RERG: variants seen among roughly 807,000 people sequenced by gnomAD.
RERG encodes ras-related and estrogen-regulated growth inhibitor.
RERG carries 25 observed loss-of-function variants against 23.2 expected under a neutral mutation model. The ratio of observed to expected loss-of-function variants is 1.08; its 90% CI spans 0.79 to 1.50. The LOEUF (loss-of-function observed/expected upper bound fraction) is 1.50, where lower values mean the gene tolerates loss of function less well. RERG is among the 40% of genes most tolerant of loss of function. The pLI, the probability that RERG is intolerant of heterozygous loss-of-function variation, is 0.00. For missense variants in RERG, 253 were observed against 250.1 expected (o/e 1.01, Z -0.08); for synonymous variants, 81 against 89.1 (o/e 0.91, Z 0.51).
Position 15,148,887 on chromosome 12 carries a change from T to TTTG in RERG, c.62-27769_62-27768insCAA, listed in dbSNP as rs1156302513. Among the ~76,000 whole-genome samples, 38 of 69,498 alleles carry TTTG rather than the reference T, an allele frequency of 5.5e-4. 14 individuals are homozygous for TTTG. The highest frequency in any genetic ancestry group is 1.1e-3 in the South Asian group (2 of 1,814). The allele number at this position is 69,498 out of a possible 152,430, so 45.6% of individuals were successfully genotyped here. A position where few individuals can be genotyped will look rare whatever the true frequency, so the allele number is the denominator to read the frequency against. On this transcript the variant is annotated intron_variant, in intron 2 of 4. Transcript: ENST00000256953. ...TTTTTTTTTTTTTTTTTTTTTTTTT[T>TTTG]AGACAGAGTCTAGCTCTGTCACCCA...
chr12:15,114,890 A>T (rs1340279745), intron 3 of RERG, among the ~76,000 whole-genome samples: 1 of 152,186 alleles, frequency 6.6e-6, no homozygotes, highest in East Asian at 1.9e-4. Context: ...ATTACGGTGC[A>T]TGCTAAAGTT....
chr12:15,186,271 C>T (rs960002300), intron 2 of RERG, among the ~76,000 whole-genome samples: 5 of 151,684 alleles, frequency 3.3e-5, no homozygotes, highest in Non-Finnish European at 5.9e-5. Context: ...AGCATGATGA[C>T]ATCAGGAAGT....
intron 1 of RERG, among the ~76,000 whole-genome samples, chr12:15,218,846 T>A (rs766618742): frequency 6.6e-6 from 1 of 152,202 alleles, no homozygotes; most frequent in South Asian, 2.1e-4. Context: ...TTTTTCATCA[T>A]GTGCATTGCC....
intron 1 of RERG, among the ~76,000 whole-genome samples, chr12:15,219,975 C>T (rs1865491867): frequency 6.6e-6 from 1 of 152,114 alleles, no homozygotes; most frequent in Admixed American, 6.5e-5. Flanking sequence ...TATTGTCAAC[C>T]TAATTTTATG....
chr12:15,158,008 C>T (rs904673337), intron 2 of RERG, among the ~76,000 whole-genome samples: 1 of 151,996 alleles, frequency 6.6e-6, no homozygotes, highest in African/African-American at 2.4e-5. Flanking sequence ...AAACATTTTG[C>T]CTCCTTACAT....
intron 2 of RERG, among the ~76,000 whole-genome samples, chr12:15,189,457 A>C (rs927260334): frequency 2.6e-5 from 4 of 152,180 alleles, no homozygotes; most frequent in African/African-American, 9.6e-5. Context: ...GCTTAAATGC[A>C]ATCTTCTCGC....
At chr12:15,193,032 T>G (rs1440290377) in intron 2 of RERG, among the ~76,000 whole-genome samples, 1 of 152,156 alleles carries the variant, frequency 6.6e-6, no homozygotes, top group Non-Finnish European at 1.5e-5. Flanking sequence ...TTGTAATGAA[T>G]AAATATTTAT....
intron 2 of RERG, among the ~76,000 whole-genome samples, chr12:15,124,617 T>C (rs900775559): frequency 5.9e-5 from 9 of 152,056 alleles, no homozygotes; most frequent in Non-Finnish European, 1.2e-4. Flanking sequence ...TCCTACACAG[T>C]TGTGATTGTT....
chr12:15,204,379 T>C (rs1865257068), intron 2 of RERG, among the ~76,000 whole-genome samples: 1 of 151,652 alleles, frequency 6.6e-6, no homozygotes, highest in African/African-American at 2.4e-5. Context: ...GTGTGCAAAA[T>C]AATGAAACTG....
chr12:15,189,267 A>T (rs1865035876), intron 2 of RERG, among the ~76,000 whole-genome samples: 1 of 152,176 alleles, frequency 6.6e-6, no homozygotes. Context: ...GCAAGAAGCT[A>T]CATAGTTTCA....
rs772353150 is a variant in RERG at position 15,212,042 on chromosome 12, C to CTTTTT, written c.61+5382_61+5386dup. On this transcript the variant is annotated intron_variant, in intron 2 of 4. Transcript: ENST00000256953. The stretch of plus-strand genomic sequence containing the variant: ...ATGTGATATTAGAGCCACGAATAAA[C>CTTTTT]TTTTTTTTTTTTTTTTTTTTTTTTT... Among the ~76,000 whole-genome samples, 223 of 64,708 alleles carry CTTTTT rather than the reference C, an allele frequency of 3.4e-3. 21 individuals carry two copies. Among genetic ancestry groups the CTTTTT allele is most frequent in the African/African-American group, 0.011 (198 of 17,326 alleles). 42.5% of individuals were successfully genotyped at this position (64,708 alleles called of 152,430 possible).
intron 2 of RERG, among the ~76,000 whole-genome samples, chr12:15,153,662 C>T (rs1054760224): frequency 6.6e-6 from 1 of 151,992 alleles, no homozygotes; most frequent in African/African-American, 2.4e-5. Context: ...AAATATGGCA[C>T]CCAGAATAAA....
intron 2 of RERG, among the ~76,000 whole-genome samples, chr12:15,190,890 C>T (rs1865061700): frequency 6.6e-6 from 1 of 152,126 alleles, no homozygotes; most frequent in African/African-American, 2.4e-5. Flanking sequence ...GCAGCCTCTT[C>T]AGAGGCTTGA....
At chr12:15,170,713 T>C (rs183417852) in intron 2 of RERG, among the ~76,000 whole-genome samples, 161 of 152,336 alleles carry the variant, frequency 1.1e-3, no homozygotes, top group Non-Finnish European at 6.3e-4. Flanking sequence ...TGAGCAGAGA[T>C]GGCATTTCCA....
intron 2 of RERG, among the ~76,000 whole-genome samples, chr12:15,172,808 T>C (rs1864794950): frequency 6.6e-6 from 1 of 152,076 alleles, no homozygotes; most frequent in Admixed American, 6.6e-5. Context: ...AAATCCCTTG[T>C]CCATTTTTAA....
At chr12:15,141,462 A>G (rs943950301) in intron 2 of RERG, among the ~76,000 whole-genome samples, 5 of 151,996 alleles carry the variant, frequency 3.3e-5, no homozygotes, top group African/African-American at 1.2e-4. Context: ...TTTATTTCTT[A>G]TTTCTAGCAT....
At chr12:15,140,996 C>G (rs1864228672) in intron 2 of RERG, among the ~76,000 whole-genome samples, 1 of 151,968 alleles carries the variant, frequency 6.6e-6, no homozygotes, top group African/African-American at 2.4e-5. Flanking sequence ...ATTTATTTTG[C>G]TTCTTTCTCT....
At chr12:15,142,504 G>GA (rs1347690349) in intron 2 of RERG, among the ~76,000 whole-genome samples, 2 of 152,096 alleles carry the variant, frequency 1.3e-5, no homozygotes, top group Non-Finnish European at 2.9e-5. Context: ...GCTCATCAAA[G>GA]ATTGTTTTGC....
At chr12:15,122,747 C>T (rs1321594103) in intron 2 of RERG, among the ~76,000 whole-genome samples, 1 of 151,370 alleles carries the variant, frequency 6.6e-6, no homozygotes, top group Non-Finnish European at 1.5e-5. Flanking sequence ...TAACAGCTTG[C>T]ACGATTTAAA....
Sources: allele counts gnomAD v4.1 joint callset (sites outside exome capture counted in the v4.1 genomes callset), GRCh38; gene constraint gnomAD v4.1.1; transcripts MANE v1.5; gene names NCBI Gene and HGNC (gene_info 2026-07-23, HGNC 2026-07-21).